ADAM12: variants seen among roughly 807,000 people sequenced by gnomAD.
ADAM12 encodes disintegrin and metalloproteinase domain-containing protein 12.
Under a neutral mutation model 106.4 loss-of-function variants are expected in ADAM12, and 70 were observed. The ratio of observed to expected loss-of-function variants is 0.66; its 90% CI spans 0.54 to 0.80. The LOEUF is 0.80. Among genes scored for constraint, ADAM12 ranks in the 30% least tolerant of loss-of-function variants. The pLI is 0.00. For missense variants in ADAM12, 1,010 were observed against 1,171.9 expected (o/e 0.86, Z 2.02); for synonymous variants, 420 against 433.5 (o/e 0.97, Z 0.39).
intron 1 of ADAM12, among the ~76,000 whole-genome samples, chr10:126,381,399 G>A (rs1856485269): frequency 6.6e-6 from 1 of 152,050 alleles, no homozygotes; most frequent in Non-Finnish European, 1.5e-5. Flanking sequence ...ACACTTTTGG[G>A]GGGCTGCGGC....
chr10:126,055,055 A>C (rs1191902669), intron 14 of ADAM12, among the ~76,000 whole-genome samples: 1 of 152,226 alleles, frequency 6.6e-6, no homozygotes. Context: ...TCAGGAAATG[A>C]GAAGGAAAGA....
At chr10:126,249,845 G>GAC (rs1385558258) in intron 3 of ADAM12, among the ~76,000 whole-genome samples, 2 of 152,116 alleles carry the variant, frequency 1.3e-5, no homozygotes, top group Non-Finnish European at 2.9e-5. Flanking sequence ...ACATGCATAA[G>GAC]ACATACAGAC....
intron 1 of ADAM12, among the ~76,000 whole-genome samples, chr10:126,366,073 A>G (rs547267076): frequency 6.6e-6 from 1 of 152,266 alleles, no homozygotes; most frequent in South Asian, 2.1e-4. Flanking sequence ...CAGTCCAAGT[A>G]CAAGAATAGA....
rs182751497 is a variant in ADAM12 at position 126,354,717 on chromosome 10, G to A, written c.89-24208C>T. Reference sequence around the variant, plus strand: ...GAAAGCTCCACCACATAGACTTTAGGGGGAAAGAAATTTTGATAAAAATCT... The same window carrying A: ...GAAAGCTCCACCACATAGACTTTAGAGGGAAAGAAATTTTGATAAAAATCT... On this transcript the variant is annotated intron_variant, in intron 1 of 22. Transcript: ENST00000448723. Among the ~76,000 whole-genome samples, 458 of 151,856 alleles carry A rather than the reference G, an allele frequency of 3.0e-3. 1 individual carries two copies. The highest frequency in any genetic ancestry group is 4.5e-3 in the Non-Finnish European group (307 of 67,976).
intron 2 of ADAM12, among the ~76,000 whole-genome samples, chr10:126,279,994 T>C (rs1028459618): frequency 1.3e-5 from 2 of 152,262 alleles, no homozygotes; most frequent in Non-Finnish European, 2.9e-5. Context: ...AGTTTATACA[T>C]ACTTTTCTAA....
At chr10:126,237,354 T>C (rs1347609404) in intron 3 of ADAM12, among the ~76,000 whole-genome samples, 1 of 152,106 alleles carries the variant, frequency 6.6e-6, no homozygotes, top group African/African-American at 2.4e-5. Flanking sequence ...TTCTATTCTA[T>C]TATTCTCAGA....
At chr10:126,299,107 G>A (rs1012622867) in intron 2 of ADAM12, among the ~76,000 whole-genome samples, 1 of 152,144 alleles carries the variant, frequency 6.6e-6, no homozygotes, top group Admixed American at 6.5e-5. Context: ...ACCTCTAAAT[G>A]AATATTAAAG....
At chr10:126,251,472 TGGGATGGAC>T (rs1958746759) in intron 3 of ADAM12, among the ~76,000 whole-genome samples, 1 of 148,660 alleles carries the variant, frequency 6.7e-6, no homozygotes, top group African/African-American at 2.6e-5. Flanking sequence ...ATGGGATGGA[TGGGATGGAC>T]AGATGGAATC....
intron 1 of ADAM12, among the ~76,000 whole-genome samples, chr10:126,335,924 G>A (rs529746809): frequency 2.6e-5 from 4 of 152,060 alleles, no homozygotes; most frequent in Admixed American, 1.3e-4. Flanking sequence ...AAAGAGGTAC[G>A]CTCTAAAATA....
chr10:126,074,586 G>T (rs1045637121), intron 11 of ADAM12, among the ~76,000 whole-genome samples: 2 of 152,200 alleles, frequency 1.3e-5, no homozygotes, highest in Admixed American at 6.5e-5. Flanking sequence ...ACTGTATAGT[G>T]ATCTGTGTAA....
intron 3 of ADAM12, among the ~76,000 whole-genome samples, chr10:126,259,379 C>A (rs6597751): frequency 0.77 from 116,995 of 152,178 alleles, 45,707 homozygotes; most frequent in East Asian, 0.85. Flanking sequence ...AGTTATAATA[C>A]GTTTACAATA....
At chr10:126,266,140 G>T (rs1025942384) in intron 3 of ADAM12, among the ~76,000 whole-genome samples, 2 of 152,132 alleles carry the variant, frequency 1.3e-5, no homozygotes, top group Non-Finnish European at 2.9e-5. Context: ...CTGTAGCCAG[G>T]CCAGCCAAAC....
At chr10:126,131,701 C>G (rs888961034) in intron 5 of ADAM12, among the ~76,000 whole-genome samples, 1 of 152,204 alleles carries the variant, frequency 6.6e-6, no homozygotes, top group Admixed American at 6.5e-5. Flanking sequence ...AAAAATCAAT[C>G]TTGTCAGCTC....
intron 5 of ADAM12, among the ~76,000 whole-genome samples, chr10:126,128,647 G>A (rs1371543124): frequency 6.7e-6 from 1 of 148,614 alleles, no homozygotes; most frequent in Admixed American, 6.6e-5. Context: ...TGGTGTGCAT[G>A]TGGGAATGTG....
chr10:126,166,769 C>A, intron 3 of ADAM12, among the ~76,000 whole-genome samples: 1 of 152,090 alleles, frequency 6.6e-6, no homozygotes, highest in African/African-American at 2.4e-5. Context: ...AGGCATGAGC[C>A]ATCATGCCCG....
intron 3 of ADAM12, among the ~76,000 whole-genome samples, chr10:126,210,507 G>A (rs1957880503): frequency 1.3e-5 from 2 of 152,326 alleles, no homozygotes; most frequent in African/African-American, 4.8e-5. Flanking sequence ...GAACAAGTGG[G>A]GTAGGGGCAG....
chr10:126,120,474 C>A lies in ADAM12; in HGVS notation c.417-2250G>T, dbSNP rs183465872. Reference sequence around the variant, plus strand: ...CCTGGGACAAAGTCTGTTGGGCCTGCAGAACAGACAACGGTTTATGACAAA... The same window carrying A: ...CCTGGGACAAAGTCTGTTGGGCCTGAAGAACAGACAACGGTTTATGACAAA... On this transcript the variant is annotated intron_variant, in intron 5 of 22. Transcript: ENST00000448723. 1.6e-4 allele frequency among the ~76,000 whole-genome samples: 24 copies of A among 152,208 alleles called. No homozygotes were observed. In the East Asian group the frequency reaches 4.2e-3, roughly 27 times the overall value.
intron 5 of ADAM12, among the ~76,000 whole-genome samples, chr10:126,131,812 A>G (rs1956309675): frequency 6.6e-6 from 1 of 152,210 alleles, no homozygotes; most frequent in South Asian, 2.1e-4. Flanking sequence ...CCATGCTAAG[A>G]TAGTGCCTGA....
chr10:126,101,018 G>A (rs1382511227), intron 9 of ADAM12, 54 bp downstream of exon 9: 3 of 1,592,518 alleles, frequency 1.9e-6, no homozygotes, highest in Non-Finnish European at 1.7e-6. Flanking sequence ...GAAACGAAGG[G>A]CTTCGCCGAG....
Sources: gnomAD v4.1 joint callset for allele counts (sites outside exome capture counted in the v4.1 genomes callset) on GRCh38, gnomAD v4.1.1 for gene constraint, MANE v1.5 for transcripts, NCBI Gene and HGNC (gene_info 2026-07-23, HGNC 2026-07-21) for gene names.